SRGAP3: variants seen among roughly 807,000 people sequenced by gnomAD.
SRGAP3 encodes the protein SLIT-ROBO Rho GTPase-activating protein 3.
SRGAP3 carries 39 observed loss-of-function variants against 121.1 expected under a neutral mutation model. The ratio of observed to expected loss-of-function variants is 0.32; its 90% confidence interval spans 0.25 to 0.42. The LOEUF is 0.42. Ranked by LOEUF, SRGAP3 falls within the 10% of genes least tolerant of loss-of-function variation. The probability of loss-of-function intolerance (pLI) is 1.00; values close to 1 mark genes in which losing one functional copy is unlikely to be tolerated. For synonymous variants in SRGAP3, 601 were observed against 570.0 expected (o/e 1.05, Z -0.77); for missense variants, 1,213 against 1,470.6 (o/e 0.82, Z 2.86).
At chr3:9,006,988 C>A (rs1574892869) in intron 18 of SRGAP3, 1 of 129,600 alleles carries the variant, frequency 7.7e-6, no homozygotes. Flanking sequence ...TGAGACAGGA[C>A]CTTGTTCTGT....
intron 3 of SRGAP3, among the ~76,000 whole-genome samples, chr3:9,095,075 G>A (rs1412278751): frequency 6.6e-6 from 1 of 151,922 alleles, no homozygotes; most frequent in African/African-American, 2.4e-5. Flanking sequence ...ACCATATCCG[G>A]CCTAAATTTC....
At chr3:9,085,480 A>G (rs1378114910) in intron 3 of SRGAP3, among the ~76,000 whole-genome samples, 2 of 151,976 alleles carry the variant, frequency 1.3e-5, no homozygotes, top group Admixed American at 1.3e-4. Context: ...CAAAGGAAAT[A>G]TAAATTGTTC....
At chr3:9,035,353 A>G (rs530984238) in intron 11 of SRGAP3, 16 of 166,722 alleles carry the variant, frequency 9.6e-5, no homozygotes, top group African/African-American at 4.8e-5. Context: ...ATGTTTTCCC[A>G]TTTTTCCTGC....
chr3:9,082,114 T>C (rs1031178023), intron 3 of SRGAP3, among the ~76,000 whole-genome samples: 4 of 152,118 alleles, frequency 2.6e-5, no homozygotes, highest in African/African-American at 7.2e-5. Context: ...TATTCTGAAG[T>C]GTGTGGCACC....
At chr3:9,125,121 T>G (rs960345710) in intron 1 of SRGAP3, 1 of 647,510 alleles carries the variant, frequency 1.5e-6, no homozygotes, top group Non-Finnish European at 2.6e-6. Flanking sequence ...TTGCCATTGA[T>G]CTAACCAAAA....
chr3:9,213,445 A>G (rs1952512235), intron 1 of SRGAP3, among the ~76,000 whole-genome samples: 1 of 152,174 alleles, frequency 6.6e-6, no homozygotes, highest in Non-Finnish European at 1.5e-5. Context: ...TTACACCAGA[A>G]GACTGCCCTT....
At chr3:9,025,407 A>T in intron 13 of SRGAP3, 69 bp from the exon 14 acceptor site, 1 of 1,482,220 alleles carries the variant, frequency 6.7e-7, no homozygotes, top group Non-Finnish European at 9.4e-7. Flanking sequence ...GACTACCGGG[A>T]ATATCAGTGA....
chr3:9,185,980 G>A (rs1256673114), intron 1 of SRGAP3, among the ~76,000 whole-genome samples: 1 of 152,188 alleles, frequency 6.6e-6, no homozygotes, highest in Non-Finnish European at 1.5e-5. Context: ...CACAGGGTTA[G>A]CAAGGATAAC....
At chr3:9,358,360 C>G (rs557914488) in intron 1 of SRGAP3, among the ~76,000 whole-genome samples, 11 of 152,212 alleles carry the variant, frequency 7.2e-5, no homozygotes, top group Non-Finnish European at 1.6e-4. Flanking sequence ...TCTTTTGTGT[C>G]TGGCATCTCA....
intron 1 of SRGAP3, among the ~76,000 whole-genome samples, chr3:9,171,181 C>A (rs886913333): frequency 1.3e-5 from 2 of 152,224 alleles, no homozygotes; most frequent in Non-Finnish European, 2.9e-5. Context: ...AACCTGAGGT[C>A]CCCTCTCCCT....
Position 9,124,675 on chromosome 3 carries a change from C to T in SRGAP3, c.260+50G>A, listed in dbSNP as rs759411551. 3 of 1,611,002 alleles carry T rather than the reference C, an allele frequency of 1.9e-6. No homozygotes were observed. The Admixed American group carries it at 5.0e-5, about 27-fold the overall frequency. On this transcript the variant is annotated intron_variant, in intron 2 of 21. Coordinates refer to ENST00000383836, the MANE Select transcript of SRGAP3 (RefSeq NM_014850.4). Reference sequence around the variant, plus strand: ...TTCTGCTTTGCCACCAACTGTCCGCCCACCCCAGTGCTGCCTCCCATCTCT... The same window carrying T: ...TTCTGCTTTGCCACCAACTGTCCGCTCACCCCAGTGCTGCCTCCCATCTCT...
intron 3 of SRGAP3, among the ~76,000 whole-genome samples, chr3:9,295,642 A>G (rs1172416170): frequency 8.2e-6 from 1 of 122,180 alleles, no homozygotes; most frequent in Non-Finnish European, 1.9e-5. Context: ...TAAAATACAC[A>G]TAACATAAAT....
intron 3 of SRGAP3, among the ~76,000 whole-genome samples, chr3:9,280,145 G>A (rs1954650798): frequency 6.6e-6 from 1 of 152,194 alleles, no homozygotes; most frequent in Non-Finnish European, 1.5e-5. Context: ...GCATAGCTTT[G>A]GGTTCCTAGG....
chr3:9,165,982 C>G (rs1190421323), intron 1 of SRGAP3, among the ~76,000 whole-genome samples: 1 of 152,206 alleles, frequency 6.6e-6, no homozygotes, highest in Admixed American at 6.5e-5. Context: ...GGCACTGTAT[C>G]TGTTTTCACT....
chr3:9,268,507 G>A (rs1954411971), intron 3 of SRGAP3, among the ~76,000 whole-genome samples: 1 of 152,094 alleles, frequency 6.6e-6, no homozygotes, highest in South Asian at 2.1e-4. Flanking sequence ...CCAGTCTATG[G>A]CATCTTGTTT....
chr3:9,047,281 T>C, intron 10 of SRGAP3, 110 bp downstream of exon 10: 2 of 1,129,726 alleles, frequency 1.8e-6, no homozygotes, highest in Non-Finnish European at 1.3e-6. Context: ...AGGTTCATTC[T>C]GCCAGGTGCC....
chr3:9,026,801 G>T, intron 13 of SRGAP3, 134 bp downstream of exon 13: 1 of 949,214 alleles, frequency 1.1e-6, no homozygotes, highest in Non-Finnish European at 1.7e-6. Context: ...GCTGCTGTGT[G>T]CAGTACTTTC....
intron 3 of SRGAP3, among the ~76,000 whole-genome samples, chr3:9,308,185 T>C (rs1955188519): frequency 6.6e-6 from 1 of 152,162 alleles, no homozygotes; most frequent in South Asian, 2.1e-4. Context: ...ATCCCATTTG[T>C]TGCATGTGTG....
At chr3:9,269,104 T>C (rs138156509) in intron 3 of SRGAP3, among the ~76,000 whole-genome samples, 11 of 152,292 alleles carry the variant, frequency 7.2e-5, no homozygotes, top group African/African-American at 2.4e-4. Context: ...AATCTCTGGG[T>C]GCTCACAGGT....
Sources: gnomAD v4.1 joint callset for allele counts (sites outside exome capture counted in the v4.1 genomes callset) on GRCh38, gnomAD v4.1.1 for gene constraint, MANE v1.5 for transcripts, NCBI Gene and HGNC (gene_info 2026-07-23, HGNC 2026-07-21) for gene names.